Variants in CTNNA3 observed in about 807,000 individuals in gnomAD.
CTNNA3 encodes the protein catenin alpha 3.
CTNNA3 carries 76 observed loss-of-function variants against 95.7 expected under a neutral mutation model. That is an observed-to-expected ratio of 0.79 (90% CI 0.66 to 0.96). CTNNA3 has a LOEUF of 0.96. CTNNA3 is among the 40% of genes least tolerant of loss of function. The pLI is 0.00. For synonymous variants in CTNNA3, 431 were observed against 374.4 expected (o/e 1.15, Z -1.74); for missense variants, 1,191 against 1,089.8 (o/e 1.09, Z -1.31).
chr10:66,925,949 A>G (rs1162505069), intron 7 of CTNNA3: 1 of 453,110 alleles, frequency 2.2e-6, no homozygotes, highest in Admixed American at 2.4e-5. Context: ...TTTGCAAGAT[A>G]AAAGAGAGAC....
Position 66,270,569 on chromosome 10 carries a change from A to C in CTNNA3, c.1884+9901T>G, listed in dbSNP as rs182695395. 1.2e-4 allele frequency among the ~76,000 whole-genome samples: 19 copies of C among 152,340 alleles called. No individual in the cohort carries two copies. The East Asian group carries it at 3.5e-3, about 28-fold the overall frequency. On this transcript the variant is annotated intron_variant, in intron 13 of 17. Coordinates refer to ENST00000433211, the MANE Select transcript of CTNNA3 (RefSeq NM_013266.4). ...ATAGCCTACATTCTTTTGTGGGAAC[A>C]AAGAAAACAGATAAATAAATGAATA... is the stretch of plus-strand genomic sequence containing the variant.
intron 5 of CTNNA3, among the ~76,000 whole-genome samples, chr10:67,452,507 AG>A (rs1298540231): frequency 6.6e-6 from 1 of 152,218 alleles, no homozygotes. Flanking sequence ...TAAATTTCAA[AG>A]TACATTTATA....
At chr10:67,026,923 C>A (rs1423516141) in intron 7 of CTNNA3, among the ~76,000 whole-genome samples, 1 of 152,114 alleles carries the variant, frequency 6.6e-6, no homozygotes, top group Non-Finnish European at 1.5e-5. Context: ...AAAATAGAAA[C>A]CATTTAGAAG....
At chr10:66,558,582 G>C (rs939180183) in intron 10 of CTNNA3, among the ~76,000 whole-genome samples, 4 of 152,090 alleles carry the variant, frequency 2.6e-5, no homozygotes, top group Admixed American at 1.3e-4. Context: ...AAAATGCCCT[G>C]ATATTGATGG....
At chr10:67,028,084 C>T (rs1053419712) in intron 7 of CTNNA3, among the ~76,000 whole-genome samples, 4 of 152,124 alleles carry the variant, frequency 2.6e-5, no homozygotes, top group African/African-American at 4.8e-5. Context: ...CTGCTATATT[C>T]GTTTATTCTT....
chr10:67,502,581 C>T (rs1839268605), intron 5 of CTNNA3, among the ~76,000 whole-genome samples: 1 of 152,176 alleles, frequency 6.6e-6, no homozygotes, highest in Non-Finnish European at 1.5e-5. Context: ...CCACCCCTTC[C>T]CCCAGGTGCT....
intron 17 of CTNNA3, among the ~76,000 whole-genome samples, chr10:65,959,166 C>G (rs1282121214): frequency 6.6e-6 from 1 of 152,174 alleles, no homozygotes. Context: ...GTGAGTGAGG[C>G]TCTGTGGGAG....
intron 5 of CTNNA3, among the ~76,000 whole-genome samples, chr10:67,243,883 G>A (rs1446388611): frequency 6.6e-6 from 1 of 152,174 alleles, no homozygotes; most frequent in Non-Finnish European, 1.5e-5. Flanking sequence ...TGACACGTCT[G>A]TGTCTCTCAC....
chr10:66,663,717 A>T (rs1358167063), intron 9 of CTNNA3, among the ~76,000 whole-genome samples: 1 of 152,164 alleles, frequency 6.6e-6, no homozygotes, highest in African/African-American at 2.4e-5. Context: ...ATAACTCTAA[A>T]AAGTTAATCA....
chr10:67,386,404 G>A (rs143913668), intron 5 of CTNNA3, among the ~76,000 whole-genome samples: 28 of 152,208 alleles, frequency 1.8e-4, no homozygotes, highest in African/African-American at 6.5e-4. Flanking sequence ...CCCCCTCCAT[G>A]TCCATCTCCT....
intron 15 of CTNNA3, among the ~76,000 whole-genome samples, chr10:66,021,868 T>TTTTTTTTTTTTTTTTTTG (rs1392457132): frequency 1.4e-5 from 2 of 144,324 alleles, no homozygotes; most frequent in Admixed American, 7.0e-5. Context: ...TTTTTTTTTT[T>TTTTTTTTTTTTTTTTTTG]AGATAGATAG....
At chr10:66,544,472 C>T (rs1039926845) in intron 10 of CTNNA3, among the ~76,000 whole-genome samples, 4 of 151,982 alleles carry the variant, frequency 2.6e-5, no homozygotes, top group Non-Finnish European at 4.4e-5. Flanking sequence ...GGATATAGCC[C>T]AAAAACCAAG....
intron 7 of CTNNA3, among the ~76,000 whole-genome samples, chr10:66,802,683 T>C (rs1363564017): frequency 1.3e-5 from 2 of 151,628 alleles, no homozygotes; most frequent in East Asian, 1.9e-4. Flanking sequence ...TACAAAAATA[T>C]TCATAGCCAT....
intron 12 of CTNNA3, among the ~76,000 whole-genome samples, chr10:66,342,815 T>G (rs1373114923): frequency 6.6e-6 from 1 of 152,120 alleles, no homozygotes; most frequent in African/African-American, 2.4e-5. Flanking sequence ...TTCCTTAATA[T>G]TCAATAATTT....
At chr10:67,294,548 T>C (rs1320586512) in intron 5 of CTNNA3, among the ~76,000 whole-genome samples, 2 of 152,094 alleles carry the variant, frequency 1.3e-5, no homozygotes, top group Non-Finnish European at 2.9e-5. Flanking sequence ...ACTACAAAGC[T>C]ATGTATATTG....
chr10:67,632,547 G>C (rs78519668), intron 2 of CTNNA3, among the ~76,000 whole-genome samples: 18,526 of 152,174 alleles, frequency 0.12, 1,265 homozygotes, highest in Non-Finnish European at 0.16. Flanking sequence ...AAGAAAAGCA[G>C]GGTGGGGCGA....
At chr10:66,586,906 A>C (rs1843378913) in intron 10 of CTNNA3, among the ~76,000 whole-genome samples, 1 of 152,074 alleles carries the variant, frequency 6.6e-6, no homozygotes, top group Non-Finnish European at 1.5e-5. Context: ...TTCCCCAAAA[A>C]ATAGTAGTCC....
intron 7 of CTNNA3, among the ~76,000 whole-genome samples, chr10:66,853,778 C>T (rs967598757): frequency 2.0e-5 from 3 of 152,048 alleles, no homozygotes; most frequent in Non-Finnish European, 4.4e-5. Flanking sequence ...TTTCTCTCTG[C>T]TTTGCTATTA....
chr10:67,430,615 T>G (rs1474778717), intron 5 of CTNNA3, among the ~76,000 whole-genome samples: 1 of 151,878 alleles, frequency 6.6e-6, no homozygotes, highest in Non-Finnish European at 1.5e-5. Context: ...TCATGTATAC[T>G]CAGGTCCAGG....
Sources: allele counts gnomAD v4.1 joint callset (sites outside exome capture counted in the v4.1 genomes callset), GRCh38; gene constraint gnomAD v4.1.1; transcripts MANE v1.5; gene names NCBI Gene and HGNC (gene_info 2026-07-23, HGNC 2026-07-21).